The following ATXN1 variants were observed in gnomAD, a reference collection of about 807,000 sequenced individuals.
The protein encoded by ATXN1 is ataxin-1.
In ATXN1, 8 loss-of-function variants were observed where a neutral mutation model predicts 56.4. The ratio of observed to expected loss-of-function variants is 0.14; its 90% confidence interval spans 0.08 to 0.26. ATXN1 has a LOEUF of 0.26. Ranked by LOEUF, ATXN1 falls within the 10% of genes least tolerant of loss-of-function variation. ATXN1 has a pLI of 1.00. For synonymous variants in ATXN1, 514 were observed against 494.6 expected, an observed-to-expected ratio of 1.04 and a Z score of -0.52; for missense variants, 987 against 1,106.5, an observed-to-expected ratio of 0.89 and a Z score of 1.53.
chr6:16,440,649 A>AAAAAAAAAGAAAAAAG (rs56105499), intron 6 of ATXN1, among the ~76,000 whole-genome samples: 4 of 113,660 alleles, frequency 3.5e-5, no homozygotes, highest in Non-Finnish European at 1.8e-5. Context: ...TTAAAAAAAA[A>AAAAAAAAAGAAAAAAG]AAAGAAAAGA....
intron 6 of ATXN1, among the ~76,000 whole-genome samples, chr6:16,484,623 A>G (rs1421396956): frequency 2.0e-5 from 3 of 152,130 alleles, no homozygotes; most frequent in African/African-American, 7.2e-5. Context: ...CAGAATGGAA[A>G]CACAATGAAG....
intron 3 of ATXN1, among the ~76,000 whole-genome samples, chr6:16,647,837 AG>A (rs1466248191): frequency 1.3e-5 from 2 of 152,232 alleles, no homozygotes; most frequent in Non-Finnish European, 2.9e-5. Flanking sequence ...GCACTTTGGG[AG>A]GCTGAGACGG....
chr6:16,722,895 T>C (rs1166988292), intron 2 of ATXN1, among the ~76,000 whole-genome samples: 2 of 152,210 alleles, frequency 1.3e-5, no homozygotes, highest in Non-Finnish European at 2.9e-5. Flanking sequence ...AAAAGATCTG[T>C]TATGTTTAAG....
chr6:16,618,620 G>C (rs1763262844), intron 3 of ATXN1, among the ~76,000 whole-genome samples: 2 of 151,828 alleles, frequency 1.3e-5, no homozygotes, highest in African/African-American at 2.4e-5. Context: ...TAGTCTGGAG[G>C]CTGAAGCAGG....
chr6:16,497,415 T>C (rs1343145137), intron 5 of ATXN1, among the ~76,000 whole-genome samples: 1 of 152,220 alleles, frequency 6.6e-6, no homozygotes, highest in Admixed American at 6.5e-5. Context: ...CTTCCACTTT[T>C]AGACCGTTCT....
At chr6:16,431,119 G>GT (rs894094392) in intron 6 of ATXN1, among the ~76,000 whole-genome samples, 16 of 152,080 alleles carry the variant, frequency 1.1e-4, no homozygotes, top group South Asian at 4.2e-4. Flanking sequence ...CAGATGTGGG[G>GT]TTTTTTTGGG....
chr6:16,344,683 C>T (rs2016498), intron 6 of ATXN1, among the ~76,000 whole-genome samples: 33,848 of 152,152 alleles, frequency 0.22, 7,231 homozygotes, highest in African/African-American at 0.54. Flanking sequence ...CTTTTGAGGT[C>T]TTGGGACTCA....
At chr6:16,379,002 T>C (rs1345063397) in intron 6 of ATXN1, among the ~76,000 whole-genome samples, 1 of 152,190 alleles carries the variant, frequency 6.6e-6, no homozygotes, top group African/African-American at 2.4e-5. Flanking sequence ...TGCAAAATCA[T>C]GGAACCAACC....
chr6:16,327,396 G>A lies in ATXN1; in HGVS notation c.915C>T (p.Ala305=), dbSNP rs1760840479. ...DSGSHFVPRE[A]TKKAESSRLQ... ...GCCGGCTGCTCTCAGCTTTCTTGGTGGCCTCCCGAGGGACAAAGTGGCTGC... is the reference window on the plus strand; with the variant it reads ...GCCGGCTGCTCTCAGCTTTCTTGGTAGCCTCCCGAGGGACAAAGTGGCTGC... Residue 305 remains alanine, a synonymous_variant, in exon 7 of 8, where the codon GCC becomes GCT. Transcript: ENST00000436367. The A allele has an allele frequency of 6.2e-7, 1 of 1,613,628 alleles. No individual in the cohort carries two copies. Among genetic ancestry groups the A allele is most frequent in the Non-Finnish European group, 8.5e-7 (1 of 1,179,972 alleles).
At chr6:16,406,009 A>G (rs1480079254) in intron 6 of ATXN1, among the ~76,000 whole-genome samples, 1 of 152,192 alleles carries the variant, frequency 6.6e-6, no homozygotes, top group Non-Finnish European at 1.5e-5. Flanking sequence ...TTACTGCACA[A>G]TGTTCACTCT....
intron 3 of ATXN1, among the ~76,000 whole-genome samples, chr6:16,600,200 G>C (rs1056218970): frequency 3.3e-5 from 5 of 152,114 alleles, no homozygotes; most frequent in African/African-American, 7.2e-5. Context: ...TCCTCCCTAA[G>C]ATGAGCTATG....
intron 5 of ATXN1, 118 bp from the exon 6 acceptor site, chr6:16,486,227 C>A (rs1760541415): frequency 6.6e-6 from 1 of 152,156 alleles, no homozygotes; most frequent in African/African-American, 2.4e-5. Flanking sequence ...CACCAAAGAC[C>A]ATTTTCTTAA....
chr6:16,443,184 A>G (rs934047627), intron 6 of ATXN1, among the ~76,000 whole-genome samples: 36 of 148,568 alleles, frequency 2.4e-4, no homozygotes, highest in Admixed American at 8.9e-4. Context: ...CCTGTCTCTA[A>G]ATAAATAAAT....
At chr6:16,680,241 T>TGTAGA (rs1758786510) in intron 2 of ATXN1, among the ~76,000 whole-genome samples, 2 of 152,174 alleles carry the variant, frequency 1.3e-5, no homozygotes, top group South Asian at 4.2e-4. Flanking sequence ...AATTGGCCTG[T>TGTAGA]GTAGAGGGTC....
intron 5 of ATXN1, among the ~76,000 whole-genome samples, chr6:16,494,380 A>G (rs1329251244): frequency 2.6e-5 from 4 of 152,222 alleles, no homozygotes; most frequent in African/African-American, 9.6e-5. Context: ...TTCTCTGTGT[A>G]TATTAACTGG....
At chr6:16,386,079 C>T (rs572812426) in intron 6 of ATXN1, among the ~76,000 whole-genome samples, 2 of 152,166 alleles carry the variant, frequency 1.3e-5, no homozygotes, top group Non-Finnish European at 2.9e-5. Flanking sequence ...AGTGGTAATC[C>T]TCACATACGA....
At chr6:16,579,475 T>G in intron 4 of ATXN1, among the ~76,000 whole-genome samples, 2 of 39,146 alleles carry the variant, frequency 5.1e-5, no homozygotes, top group Non-Finnish European at 6.5e-5. Context: ...AGTACCTTGG[T>G]CAAAGCCCCC....
intron 6 of ATXN1, among the ~76,000 whole-genome samples, chr6:16,386,349 T>G (rs950360685): frequency 6.6e-6 from 1 of 152,180 alleles, no homozygotes; most frequent in Non-Finnish European, 1.5e-5. Flanking sequence ...TGACAGCGCG[T>G]TAACCATAAA....
intron 2 of ATXN1, among the ~76,000 whole-genome samples, chr6:16,672,192 G>A (rs1342885701): frequency 2.6e-5 from 4 of 151,956 alleles, no homozygotes; most frequent in Non-Finnish European, 5.9e-5. Flanking sequence ...CCCCCAACAC[G>A]TTTCCCTCTT....
Sources: allele counts gnomAD v4.1 joint callset (sites outside exome capture counted in the v4.1 genomes callset), GRCh38; gene constraint gnomAD v4.1.1; transcripts MANE v1.5; gene names NCBI Gene and HGNC (gene_info 2026-07-23, HGNC 2026-07-21).